PRKG1: variants seen among roughly 807,000 people sequenced by gnomAD.
The protein encoded by PRKG1 is cGMP-dependent protein kinase 1.
Under a neutral mutation model 88.1 loss-of-function variants are expected in PRKG1, and 35 were observed. That is an observed-to-expected ratio of 0.40 (90% CI 0.30 to 0.53). The LOEUF is 0.53. PRKG1 is among the 20% of genes least tolerant of loss of function. The pLI, the probability that PRKG1 is intolerant of heterozygous loss-of-function variation, is 0.59. For missense variants in PRKG1, 540 were observed against 839.8 expected (o/e 0.64, Z 4.41); for synonymous variants, 303 against 292.5 (o/e 1.04, Z -0.37).
chr10:51,675,685 A>G (rs1168401112), intron 3 of PRKG1, among the ~76,000 whole-genome samples: 1 of 152,212 alleles, frequency 6.6e-6, no homozygotes, highest in Non-Finnish European at 1.5e-5. Flanking sequence ...TTGTTTTAAT[A>G]TAAGTATTTA....
intron 4 of PRKG1, among the ~76,000 whole-genome samples, chr10:51,837,116 A>G (rs889480194): frequency 2.0e-5 from 3 of 152,182 alleles, no homozygotes; most frequent in Non-Finnish European, 4.4e-5. Context: ...GCCTAACTGC[A>G]TTGAAAAGGA....
chr10:51,413,191 T>A (rs937216613), intron 2 of PRKG1, among the ~76,000 whole-genome samples: 2 of 152,032 alleles, frequency 1.3e-5, no homozygotes, highest in African/African-American at 4.8e-5. Flanking sequence ...TCTTGAAGAG[T>A]TTTTTGTTGC....
chr10:52,251,731 TTAAGA>T, intron 10 of PRKG1, 65 bp downstream of exon 10: 1 of 1,278,018 alleles, frequency 7.8e-7, no homozygotes, highest in Non-Finnish European at 1.1e-6. Context: ...TTCCCCTAGA[TTAAGA>T]TTTCTTTCTT....
intron 9 of PRKG1, among the ~76,000 whole-genome samples, chr10:52,195,114 G>A (rs564949921): frequency 1.3e-5 from 2 of 152,240 alleles, no homozygotes; most frequent in Admixed American, 6.5e-5. Flanking sequence ...GTAAACTAGT[G>A]TTTTTGGCAT....
At chr10:51,853,632 T>C (rs34246723) in intron 4 of PRKG1, among the ~76,000 whole-genome samples, 14,148 of 152,222 alleles carry the variant, frequency 0.093, 826 homozygotes, top group Middle Eastern at 0.17. Flanking sequence ...CTTAAGTATG[T>C]TTGCAAAGAA....
intron 3 of PRKG1, among the ~76,000 whole-genome samples, chr10:51,474,498 A>G (rs548549714): frequency 6.6e-6 from 1 of 152,150 alleles, no homozygotes; most frequent in African/African-American, 2.4e-5. Flanking sequence ...TTAATGCCTT[A>G]GAGACATACA....
chr10:51,278,014 G>A (rs1393154156), intron 2 of PRKG1, among the ~76,000 whole-genome samples: 1 of 152,176 alleles, frequency 6.6e-6, no homozygotes, highest in African/African-American at 2.4e-5. Context: ...GTGAGAGAGG[G>A]CATCCCTGTC....
chr10:51,110,114 C>G (rs971079080), intron 1 of PRKG1, among the ~76,000 whole-genome samples: 4 of 151,908 alleles, frequency 2.6e-5, no homozygotes, highest in Non-Finnish European at 5.9e-5. Context: ...ATAATAGAAC[C>G]ATTATGGAAA....
At chr10:51,656,740 A>C (rs530198203) in intron 3 of PRKG1, among the ~76,000 whole-genome samples, 1 of 152,226 alleles carries the variant, frequency 6.6e-6, no homozygotes, top group Admixed American at 6.5e-5. Context: ...TTATCTCTTC[A>C]GAGTAGTATT....
intron 2 of PRKG1, among the ~76,000 whole-genome samples, chr10:51,323,043 A>G (rs2132512108): frequency 6.6e-6 from 1 of 152,318 alleles, no homozygotes; most frequent in African/African-American, 2.4e-5. Flanking sequence ...TTCATTTGTT[A>G]GATTCATTTA....
chr10:51,825,826 G>A (rs767644085), intron 4 of PRKG1, among the ~76,000 whole-genome samples: 2 of 152,168 alleles, frequency 1.3e-5, no homozygotes, highest in Non-Finnish European at 2.9e-5. Context: ...CAAGGGCAGA[G>A]AGGGTCAGTC....
At chr10:51,981,252 G>C (rs868718858) in intron 5 of PRKG1, among the ~76,000 whole-genome samples, 101 of 152,184 alleles carry the variant, frequency 6.6e-4, no homozygotes, top group African/African-American at 2.4e-3. Flanking sequence ...AGCTTAATTT[G>C]GCCAGATACG....
At chr10:51,519,572 CAATT>C (rs948353831) in intron 3 of PRKG1, among the ~76,000 whole-genome samples, 1 of 152,062 alleles carries the variant, frequency 6.6e-6, no homozygotes, top group African/African-American at 2.4e-5. Context: ...AAAATAATCT[CAATT>C]AAATTCTCCA....
intron 1 of PRKG1, among the ~76,000 whole-genome samples, chr10:51,056,263 A>G (rs1269335663): frequency 6.6e-6 from 1 of 152,196 alleles, no homozygotes; most frequent in African/African-American, 2.4e-5. Context: ...GGTTTCAGGG[A>G]AGGCACCTTC....
At chr10:52,202,932 G>A (rs778990165) in intron 9 of PRKG1, among the ~76,000 whole-genome samples, 18 of 151,750 alleles carry the variant, frequency 1.2e-4, no homozygotes, top group Non-Finnish European at 2.4e-4. Context: ...CTAGCTAGTG[G>A]TCTATCATTC....
chr10:51,707,060 T>C (rs1346910049), intron 3 of PRKG1, among the ~76,000 whole-genome samples: 3 of 152,296 alleles, frequency 2.0e-5, no homozygotes, highest in South Asian at 4.1e-4. Context: ...TATATTATTT[T>C]CAAGTTGTAC....
At chr10:51,401,351 A>T (rs1837734108) in intron 2 of PRKG1, among the ~76,000 whole-genome samples, 1 of 152,198 alleles carries the variant, frequency 6.6e-6, no homozygotes, top group South Asian at 2.1e-4. Flanking sequence ...GCAACTTTAG[A>T]TGGAGGCTGA....
At chr10:51,387,614 G>A (rs1011504587) in intron 2 of PRKG1, among the ~76,000 whole-genome samples, 1 of 152,068 alleles carries the variant, frequency 6.6e-6, no homozygotes, top group Non-Finnish European at 1.5e-5. Flanking sequence ...AATTGATATT[G>A]AAACATTCAT....
chr10:51,566,575 A>C lies in PRKG1; in HGVS notation c.592+98739A>C, dbSNP rs529664633. Among the ~76,000 whole-genome samples the C allele has an allele frequency of 3.8e-4, 58 of 152,174 alleles. 1 individual carries two copies. The South Asian group carries it at 0.012, about 31-fold the overall frequency. ...TAATTTTTCTTAGTGAAAAGAATGT[A>C]ATGGGGTTGGGGTGGGCAGGTAAGA... On this transcript the variant is annotated intron_variant, in intron 3 of 17. Transcript: ENST00000373980.
Sources: allele counts gnomAD v4.1 joint callset (sites outside exome capture counted in the v4.1 genomes callset), GRCh38; gene constraint gnomAD v4.1.1; transcripts MANE v1.5; gene names NCBI Gene and HGNC (gene_info 2026-07-23, HGNC 2026-07-21).